RBPJ: variants seen among roughly 807,000 people sequenced by gnomAD.
The protein encoded by RBPJ is recombining binding protein suppressor of hairless.
RBPJ carries 9 observed loss-of-function variants against 67.8 expected under a neutral mutation model. The observed-to-expected ratio is 0.13, with a 90% CI of 0.08 to 0.23. The LOEUF is 0.23. Ranked by LOEUF, RBPJ falls within the 10% of genes least tolerant of loss-of-function variation. The probability of loss-of-function intolerance (pLI) is 1.00; values close to 1 mark genes in which losing one functional copy is unlikely to be tolerated. For synonymous variants in RBPJ, 198 were observed against 203.3 expected, an observed-to-expected ratio of 0.97 and a Z score of 0.22; for missense variants, 305 against 595.6, an observed-to-expected ratio of 0.51 and a Z score of 5.08.
intron 1 of RBPJ, among the ~76,000 whole-genome samples, chr4:26,210,686 C>CTTTCTTTCTTTCTTTCCTT (rs56289492): frequency 1.5e-5 from 1 of 65,396 alleles, no homozygotes; most frequent in Non-Finnish European, 3.3e-5. Flanking sequence ...TTCTTTCTTT[C>CTTTCTTTCTTTCTTTCCTT]CTTTCTTTCT....
At chr4:26,334,261 G>A (rs1724569699) in intron 1 of RBPJ, among the ~76,000 whole-genome samples, 2 of 151,854 alleles carry the variant, frequency 1.3e-5, no homozygotes, top group Middle Eastern at 6.8e-3. Context: ...GGTTGGTTTC[G>A]AACTCCTGAC....
the RBPJ span, among the ~76,000 whole-genome samples, chr4:26,149,646 C>T: frequency 6.6e-6 from 1 of 152,130 alleles, no homozygotes; most frequent in Admixed American, 6.5e-5. Context: ...ATGATCTATG[C>T]CCTTCCACCT....
At chr4:26,416,188 C>G (rs1734568359) in intron 4 of RBPJ, among the ~76,000 whole-genome samples, 1 of 152,044 alleles carries the variant, frequency 6.6e-6, no homozygotes, top group Non-Finnish European at 1.5e-5. Context: ...AATTAATTTT[C>G]TAGAGAAAAC....
At chr4:26,128,464 A>C in the RBPJ span, among the ~76,000 whole-genome samples, 10,991 of 152,262 alleles carry the variant, frequency 0.072, 1,301 homozygotes, top group African/African-American at 0.25. Flanking sequence ...TTATATAGCC[A>C]TCACAAAAAC....
chr4:26,222,259 C>T (rs945962817), intron 1 of RBPJ, among the ~76,000 whole-genome samples: 22 of 152,076 alleles, frequency 1.4e-4, no homozygotes, highest in Admixed American at 2.6e-4. Flanking sequence ...TCTGGGAGGC[C>T]GAGGCATGTG....
chr4:26,379,889 T>C (rs984093063), intron 1 of RBPJ, among the ~76,000 whole-genome samples: 2 of 152,184 alleles, frequency 1.3e-5, no homozygotes, highest in Non-Finnish European at 2.9e-5. Context: ...AAACATCTTA[T>C]AGGATGTTTC....
intron 1 of RBPJ, among the ~76,000 whole-genome samples, chr4:26,270,436 A>AGAAG (rs1720874847): frequency 6.2e-5 from 3 of 48,240 alleles, no homozygotes; most frequent in Admixed American, 2.7e-4. Context: ...AAAGAAAGAA[A>AGAAG]GAAGAAAGAA....
At chr4:26,227,913 G>A (rs887864784) in intron 1 of RBPJ, among the ~76,000 whole-genome samples, 5 of 152,198 alleles carry the variant, frequency 3.3e-5, no homozygotes, top group African/African-American at 1.2e-4. Flanking sequence ...CTTGGTTTCT[G>A]TGCTTTCTGA....
chr4:26,429,677 A>G (rs968887151), intron 8 of RBPJ, among the ~76,000 whole-genome samples: 1 of 152,222 alleles, frequency 6.6e-6, no homozygotes, highest in African/African-American at 2.4e-5. Context: ...TCACTGAAAT[A>G]GTTTGTATTA....
At chr4:26,171,824 A>G (rs1048992694) in intron 1 of RBPJ, among the ~76,000 whole-genome samples, 6 of 152,228 alleles carry the variant, frequency 3.9e-5, no homozygotes, top group African/African-American at 1.4e-4. Flanking sequence ...ACTTCATCAC[A>G]AGGCCACCAC....
chr4:26,143,847 G>A, the RBPJ span, among the ~76,000 whole-genome samples: 1 of 152,158 alleles, frequency 6.6e-6, no homozygotes, highest in Non-Finnish European at 1.5e-5. Context: ...AGGATCACTT[G>A]AGCTCTGGAG....
intron 1 of RBPJ, among the ~76,000 whole-genome samples, chr4:26,182,122 C>T (rs775503190): frequency 7.9e-5 from 12 of 152,204 alleles, no homozygotes; most frequent in Non-Finnish European, 1.3e-4. Flanking sequence ...GCAGCCGGAT[C>T]ATGAGGTCAG....
chr4:26,115,644 A>G, the RBPJ span, among the ~76,000 whole-genome samples: 228 of 152,324 alleles, frequency 1.5e-3, 2 homozygotes, highest in East Asian at 1.2e-3. Context: ...TCGGCCTCCC[A>G]AAGTGCTGGG....
chr4:26,366,855 G>A (rs561865738), intron 1 of RBPJ, among the ~76,000 whole-genome samples: 6 of 152,098 alleles, frequency 3.9e-5, no homozygotes, highest in African/African-American at 1.2e-4. Flanking sequence ...GCCGGGCGTC[G>A]TGTTTCACGC....
At chr4:26,272,313 G>A (rs1274582285) in intron 1 of RBPJ, among the ~76,000 whole-genome samples, 1 of 152,170 alleles carries the variant, frequency 6.6e-6, no homozygotes, top group Non-Finnish European at 1.5e-5. Context: ...ACACCCATAA[G>A]CCCAACATTT....
chr4:26,309,713 C>T (rs1375506669), intron 1 of RBPJ, among the ~76,000 whole-genome samples: 4 of 152,048 alleles, frequency 2.6e-5, no homozygotes, highest in South Asian at 2.1e-4. Flanking sequence ...GCATGACAAA[C>T]GGGCAAAGTT....
chr4:26,320,282 G>A (rs1243698124), upstream of RBPJ, among the ~76,000 whole-genome samples: 1 of 152,192 alleles, frequency 6.6e-6, no homozygotes, highest in East Asian at 1.9e-4. Context: ...CTTTGCTAGA[G>A]GCCTTGGCTT....
At chr4:26,110,298 G>T in the RBPJ span, among the ~76,000 whole-genome samples, 15 of 152,174 alleles carry the variant, frequency 9.9e-5, no homozygotes, top group Non-Finnish European at 1.9e-4. This position sits in a 1 kb window ranked among gnomAD's most constrained non-coding sequence, Gnocchi z 4.5. Context: ...TGGAGGACAC[G>T]ACTTACTTGA....
intron 1 of RBPJ, among the ~76,000 whole-genome samples, chr4:26,350,523 T>C (rs1225331519): frequency 6.6e-6 from 1 of 152,200 alleles, no homozygotes; most frequent in Non-Finnish European, 1.5e-5. Context: ...TTAGTGAAGT[T>C]TTCCAAAGTA....
Sources: allele counts gnomAD v4.1 joint callset (sites outside exome capture counted in the v4.1 genomes callset), GRCh38; gene constraint gnomAD v4.1.1; non-coding constraint Gnocchi (gnomAD v3.1); transcripts MANE v1.5; gene names NCBI Gene and HGNC (gene_info 2026-07-23, HGNC 2026-07-21).